Variants in IMPG1 observed in about 807,000 individuals in gnomAD.
IMPG1 encodes interphotoreceptor matrix proteoglycan 1.
In IMPG1, 85 loss-of-function variants were observed where a neutral mutation model predicts 92.0. That is an observed-to-expected ratio of 0.92 (90% CI 0.78 to 1.11). IMPG1 has a LOEUF of 1.11. IMPG1 is among the 50% of genes least tolerant of loss of function. The pLI is 0.00. For synonymous variants in IMPG1, 367 were observed against 334.1 expected, an observed-to-expected ratio of 1.10 and a Z score of -1.08; for missense variants, 1,022 against 956.0, an observed-to-expected ratio of 1.07 and a Z score of -0.91.
intron 2 of IMPG1, among the ~76,000 whole-genome samples, chr6:76,038,467 G>A (rs188995100): frequency 1.3e-5 from 2 of 152,174 alleles, no homozygotes; most frequent in East Asian, 1.9e-4. Context: ...TCACAAGCCA[G>A]GAGGCATAGA....
intron 12 of IMPG1, among the ~76,000 whole-genome samples, chr6:75,963,647 G>A (rs1299394622): frequency 1.3e-5 from 2 of 152,168 alleles, no homozygotes; most frequent in Admixed American, 6.5e-5. Context: ...ACAAGGGAAT[G>A]CTTAATTAAG....
intron 1 of IMPG1, among the ~76,000 whole-genome samples, chr6:76,064,204 T>C (rs1157169742): frequency 6.7e-6 from 1 of 148,724 alleles, no homozygotes; most frequent in Non-Finnish European, 1.5e-5. Flanking sequence ...AATTACTGCA[T>C]CCCTGCTGGC....
At chr6:76,068,274 T>C (rs1784345099) in intron 1 of IMPG1, among the ~76,000 whole-genome samples, 2 of 152,168 alleles carry the variant, frequency 1.3e-5, no homozygotes, top group African/African-American at 4.8e-5. Context: ...GATATGATCT[T>C]ATACGTAGAA....
intron 1 of IMPG1, among the ~76,000 whole-genome samples, chr6:76,064,849 C>T (rs1249668053): frequency 1.3e-5 from 2 of 152,100 alleles, no homozygotes; most frequent in Non-Finnish European, 2.9e-5. Flanking sequence ...ACCTAATACA[C>T]AATCTGCTGG....
At chr6:75,948,619 A>G (rs772980362) in intron 13 of IMPG1, among the ~76,000 whole-genome samples, 3 of 152,076 alleles carry the variant, frequency 2.0e-5, no homozygotes, top group Admixed American at 6.6e-5. Flanking sequence ...AACTTACTTG[A>G]CTAGCCTCAT....
intron 12 of IMPG1, among the ~76,000 whole-genome samples, chr6:75,992,613 C>T (rs1782829871): frequency 6.6e-6 from 1 of 152,146 alleles, no homozygotes; most frequent in African/African-American, 2.4e-5. Context: ...TTTCACCTAC[C>T]AAGCTGTAGG....
At chr6:76,058,271 T>C (rs1475124123) in intron 1 of IMPG1, among the ~76,000 whole-genome samples, 1 of 152,098 alleles carries the variant, frequency 6.6e-6, no homozygotes, top group East Asian at 1.9e-4. Context: ...AGAGTGAGTG[T>C]TTGGATAAAC....
At chr6:76,036,546 C>G (rs1783745076) in intron 2 of IMPG1, among the ~76,000 whole-genome samples, 1 of 152,078 alleles carries the variant, frequency 6.6e-6, no homozygotes, top group African/African-American at 2.4e-5. Flanking sequence ...ACATATAAAT[C>G]TTATAGTCAC....
intron 12 of IMPG1, among the ~76,000 whole-genome samples, chr6:75,986,018 C>T (rs1450417510): frequency 2.0e-5 from 3 of 152,150 alleles, no homozygotes; most frequent in Admixed American, 2.0e-4. Context: ...GAAATGACTG[C>T]TCCTGTCACA....
At chr6:76,022,001 C>T (rs1783435652) in intron 6 of IMPG1, 115 bp downstream of exon 6, 1 of 562,114 alleles carries the variant, frequency 1.8e-6, no homozygotes, top group South Asian at 1.6e-5. Context: ...ACCAGAGTCA[C>T]AAAAATACAG....
At chr6:75,965,420 C>T (rs773606777) in intron 12 of IMPG1, among the ~76,000 whole-genome samples, 4 of 150,236 alleles carry the variant, frequency 2.7e-5, no homozygotes, top group Non-Finnish European at 5.9e-5. Flanking sequence ...TATCTCATCG[C>T]GGTTTTAATT....
chr6:76,007,441 G>A (rs1317390061), intron 9 of IMPG1, 39 bp downstream of exon 9: 31 of 1,488,262 alleles, frequency 2.1e-5, no homozygotes, highest in Non-Finnish European at 2.4e-5. Flanking sequence ...TGGGGGAGAC[G>A]GGAATGTACT....
intron 12 of IMPG1, among the ~76,000 whole-genome samples, chr6:75,979,105 C>T (rs989089433): frequency 1.6e-4 from 24 of 152,072 alleles, no homozygotes; most frequent in Middle Eastern, 3.4e-3. Flanking sequence ...TTTGTACAGA[C>T]AGGGTTTCAC....
chr6:75,962,741 G>GAAC (rs1387631198), intron 12 of IMPG1, among the ~76,000 whole-genome samples: 2 of 152,122 alleles, frequency 1.3e-5, no homozygotes, highest in Admixed American at 6.6e-5. Context: ...AAAACTAAGT[G>GAAC]AATAATAATA....
rs180751095 is a variant in IMPG1 at position 76,023,205 on chromosome 6, G to A, written c.563-986C>T. 2.6e-5 allele frequency among the ~76,000 whole-genome samples: 4 copies of A among 152,260 alleles called. No individual in the cohort carries two copies. In the East Asian group the frequency reaches 7.7e-4, roughly 29 times the overall value. On this transcript the variant is annotated intron_variant, in intron 5 of 16. Transcript: ENST00000369950. Reference sequence around the variant, plus strand: ...CCCTGTGGCATATCAGAACCTCAAAGGATGTGGTCCCTGGCATCTTCCCCT... The same window carrying A: ...CCCTGTGGCATATCAGAACCTCAAAAGATGTGGTCCCTGGCATCTTCCCCT...
chr6:75,979,402 G>A (rs1782592619), intron 12 of IMPG1, among the ~76,000 whole-genome samples: 1 of 152,186 alleles, frequency 6.6e-6, no homozygotes, highest in African/African-American at 2.4e-5. Flanking sequence ...TGGCAGTGCT[G>A]AACCTTTGTG....
At chr6:75,932,210 G>A (rs540461413) in intron 14 of IMPG1, among the ~76,000 whole-genome samples, 80 of 152,320 alleles carry the variant, frequency 5.3e-4, no homozygotes, top group African/African-American at 1.8e-3. Flanking sequence ...CCATCCCTTC[G>A]TGGAATGTGT....
rs1783338353 is a variant in IMPG1, at chr6:76,018,616, C to T, written c.807+102G>A. ...TCTTTTAAATGGTTAAACATGAATG[C>T]CAGGAGAAGCTGGAACTGTTCGCCG... On this transcript the variant is annotated intron_variant, in intron 7 of 16. Transcript: ENST00000369950. 3.8e-6 allele frequency: 4 copies of T among 1,041,792 alleles called. No homozygotes were observed. In the African/African-American group the frequency reaches 4.9e-5, roughly 13 times the overall value. The allele number at this position is 1,041,792 out of a possible 1,614,324, so 64.5% of individuals were successfully genotyped here. A position where few individuals can be genotyped will look rare whatever the true frequency, so the allele number is the denominator to read the frequency against.
intron 1 of IMPG1, among the ~76,000 whole-genome samples, chr6:76,053,133 G>A (rs552855511): frequency 2.6e-5 from 4 of 152,168 alleles, no homozygotes; most frequent in South Asian, 4.1e-4. Flanking sequence ...TTAATTATGT[G>A]TACTTTTTGG....
Sources: gnomAD v4.1 joint callset for allele counts (sites outside exome capture counted in the v4.1 genomes callset) on GRCh38, gnomAD v4.1.1 for gene constraint, MANE v1.5 for transcripts, NCBI Gene and HGNC (gene_info 2026-07-23, HGNC 2026-07-21) for gene names.